The following SHISA5 variants were observed in gnomAD, a reference collection of about 807,000 sequenced individuals.
The protein encoded by SHISA5 is shisa family member 5, also known as protein shisa-5.
Under a neutral mutation model 27.5 loss-of-function variants are expected in SHISA5, and 21 were observed. The observed-to-expected ratio is 0.76, with a 90% CI of 0.54 to 1.10. The LOEUF (loss-of-function observed/expected upper bound fraction) is 1.10, where lower values mean the gene tolerates loss of function less well. Among genes scored for constraint, SHISA5 ranks in the 50% least tolerant of loss-of-function variants. The pLI is 0.00. For synonymous variants in SHISA5, 137 were observed against 142.2 expected (o/e 0.96, Z 0.26); for missense variants, 314 against 336.3 (o/e 0.93, Z 0.52).
chr3:48,491,997 A>G (rs2041442319), intron 2 of SHISA5, among the ~76,000 whole-genome samples: 1 of 151,742 alleles, frequency 6.6e-6, no homozygotes, highest in Non-Finnish European at 1.5e-5. Flanking sequence ...TCTCATTCAT[A>G]TCTGATTTTG....
rs1393904349 is a variant in SHISA5 at position 48,473,519 on chromosome 3, G to T, written c.315-3676C>A. ...CCCTGGGGCCCTGGCTGACACACAT[G>T]CAAGGAGCAAAGTCCAGCCTGTCCC... On this transcript the variant is annotated intron_variant, in intron 3 of 5. Coordinates refer to ENST00000296444, the MANE Select transcript of SHISA5 (RefSeq NM_016479.6). The surrounding 1 kb of genome is among the most constrained non-coding windows in gnomAD (Gnocchi z 4.3). 1.6e-6 allele frequency: 2 copies of T among 1,289,260 alleles called. No individual in the cohort carries two copies. The highest frequency in any genetic ancestry group is 2.0e-6 in the Non-Finnish European group (2 of 988,892). 79.9% of individuals were successfully genotyped at this position (1,289,260 alleles called of 1,614,324 possible).
At chr3:48,485,325 G>A (rs532963575) in intron 2 of SHISA5, among the ~76,000 whole-genome samples, 4 of 151,552 alleles carry the variant, frequency 2.6e-5, no homozygotes, top group African/African-American at 7.3e-5. Flanking sequence ...GAGAAACCCC[G>A]TCTCTACTAA....
chr3:48,470,392 C>T lies in SHISA5; in HGVS notation c.315-549G>A, dbSNP rs190966691. ...ATTGTTCCCCTGCACTCCACAACAG[C>T]CCCAGGGCAGGGAGGCTGGCCCCTG... On this transcript the variant is annotated intron_variant, in intron 3 of 5. Transcript: ENST00000296444. The surrounding 1 kb of genome is among the most constrained non-coding windows in gnomAD (Gnocchi z 4.3). 6.6e-6 allele frequency among the ~76,000 whole-genome samples: 1 copy of T among 152,364 alleles called. No individual in the cohort carries two copies. The highest frequency in any genetic ancestry group is 1.9e-4 in the East Asian group (1 of 5,190).
At chr3:48,472,934 A>C in intron 3 of SHISA5, 27 of 1,360,042 alleles carry the variant, frequency 2.0e-5, no homozygotes, top group South Asian at 2.5e-5. Flanking sequence ...TGCGACCGCA[A>C]GGCCGTTATC....
At chr3:48,488,421 G>T (rs2041317610) in intron 2 of SHISA5, among the ~76,000 whole-genome samples, 1 of 151,192 alleles carries the variant, frequency 6.6e-6, no homozygotes, top group Non-Finnish European at 1.5e-5. Flanking sequence ...TAGAGATGGG[G>T]TTTCACCATG....
chr3:48,483,977 A>G (rs1441715509), intron 2 of SHISA5, among the ~76,000 whole-genome samples: 1 of 152,214 alleles, frequency 6.6e-6, no homozygotes, highest in East Asian at 1.9e-4. Flanking sequence ...TCAGCCTCCC[A>G]AAGTGCTGGG....
intron 2 of SHISA5, among the ~76,000 whole-genome samples, chr3:48,485,570 AT>A (rs1485936250): frequency 1.4e-5 from 2 of 144,804 alleles, no homozygotes; most frequent in Non-Finnish European, 3.0e-5. Context: ...TATATAATAT[AT>A]ATTCTATATT....
At chr3:48,471,925 G>A (rs990701292) in intron 3 of SHISA5, among the ~76,000 whole-genome samples, 2 of 152,106 alleles carry the variant, frequency 1.3e-5, no homozygotes, top group African/African-American at 2.4e-5. Flanking sequence ...CTGGCCAGGC[G>A]CGGTGGCAAC....
At chr3:48,495,286 C>T (rs2041511484) in intron 2 of SHISA5, among the ~76,000 whole-genome samples, 1 of 142,464 alleles carries the variant, frequency 7.0e-6, no homozygotes, top group Admixed American at 6.9e-5. Flanking sequence ...AGTAATTCCA[C>T]TCCTAGATAC....
chr3:48,469,769 C>T lies in SHISA5; in HGVS notation c.389G>A (p.Cys130Tyr). ...CGTCTTGTAAAGGCAGCAGCAGGAG[C>T]AGGTGAAGCAGATGATGATAGTGAC... ...SVVTIIICFT[C>Y]SCCCLYKTCR... is the part of the protein sequence containing the mutation. Residue 130 changes from cysteine (C) to tyrosine (Y), a missense_variant, in exon 4 of 6, where the codon TGC becomes TAC. Physicochemically the swap from Cys to Tyr is radical, Grantham distance 194. Coordinates refer to ENST00000296444, the MANE Select transcript of SHISA5 (RefSeq NM_016479.6). The surrounding 1 kb of genome is among the most constrained non-coding windows in gnomAD (Gnocchi z 4.6). 1 of 1,614,082 alleles carries T rather than the reference C, an allele frequency of 6.2e-7. No homozygotes were observed. The highest frequency in any genetic ancestry group is 8.5e-7 in the Non-Finnish European group (1 of 1,179,966).
chr3:48,471,957 C>T (rs1285430162), intron 3 of SHISA5, among the ~76,000 whole-genome samples: 3 of 151,526 alleles, frequency 2.0e-5, no homozygotes, highest in South Asian at 4.2e-4. Flanking sequence ...CCGAAGTGGG[C>T]GGATCGCTTG....
At chr3:48,495,644 C>G (rs2041530343) in intron 2 of SHISA5, among the ~76,000 whole-genome samples, 2 of 146,820 alleles carry the variant, frequency 1.4e-5, no homozygotes, top group Non-Finnish European at 2.9e-5. Context: ...GCCTCACCCT[C>G]CCAAGTGGCT....
At chr3:48,502,568 C>T (rs1028902950) in intron 1 of SHISA5, 4 of 349,430 alleles carry the variant, frequency 1.1e-5, no homozygotes, top group African/African-American at 4.3e-5. Context: ...GGAAAATAAC[C>T]CAGGTTTTTG....
intron 2 of SHISA5, among the ~76,000 whole-genome samples, chr3:48,497,376 C>T (rs1232528754): frequency 1.3e-5 from 2 of 148,320 alleles, no homozygotes; most frequent in Non-Finnish European, 3.0e-5. Context: ...CAATTCTCTG[C>T]CTCAGGCTCC....
chr3:48,477,004 T>TGCCACAACCCCAGGAA, intron 3 of SHISA5: 1 of 431,666 alleles, frequency 2.3e-6, no homozygotes, highest in South Asian at 1.7e-5. Context: ...ACCTCCCTGC[T>TGCCACAACCCCAGGAA]GCCACAACCC....
chr3:48,482,308 G>A (rs1382240627), intron 2 of SHISA5, among the ~76,000 whole-genome samples: 1 of 151,844 alleles, frequency 6.6e-6, no homozygotes, highest in African/African-American at 2.4e-5. Context: ...AGGAGGCTTA[G>A]GTGGGAGGAT....
chr3:48,477,425 C>T (rs1370279144), intron 3 of SHISA5, among the ~76,000 whole-genome samples: 4 of 152,012 alleles, frequency 2.6e-5, no homozygotes, highest in Non-Finnish European at 4.4e-5. Context: ...ACAAAAAACA[C>T]GGGGTCGCCC....
At position 48,501,003 on chromosome 3, in the gene SHISA5, C is replaced by T. The variant is rs2041736495; in HGVS notation, c.233+134G>A. The T allele has an allele frequency of 5.8e-6, 6 of 1,035,616 alleles. No homozygotes were observed. The South Asian group carries it at 9.8e-5, about 17-fold the overall frequency. The allele number at this position is 1,035,616 out of a possible 1,614,324, so 64.2% of individuals were successfully genotyped here. ...AGCCCAGAACAGGGGATCCCTAAAC[C>T]CTCTGCTCCAATGCTCTGGCCACCA... is the stretch of plus-strand genomic sequence containing the variant. On this transcript the variant is annotated intron_variant, in intron 2 of 5. Coordinates refer to ENST00000296444, the MANE Select transcript of SHISA5 (RefSeq NM_016479.6).
Position 48,469,129 on chromosome 3 carries a change from T to C in SHISA5, c.701A>G (p.Asp234Gly). Residue 234 changes from aspartate (D) to glycine (G), a missense_variant, in exon 6 of 6, where the codon GAT becomes GGT. Transcript: ENST00000296444. The surrounding 1 kb of genome is among the most constrained non-coding windows in gnomAD (Gnocchi z 4.6). ...TGCTCAGAGGGCCGCCTTCGGGGCA[T>C]CCATGTAGGCCGGGTTGTAAGGAGG... is the stretch of plus-strand genomic sequence containing the variant. ...SQPPYNPAYM[D>G]APKAAL The C allele has an allele frequency of 1.2e-6, 2 of 1,613,094 alleles. No individual in the cohort carries two copies. The highest frequency in any genetic ancestry group is 1.7e-5 in the Admixed American group (1 of 60,022).
Sources: allele counts gnomAD v4.1 joint callset (sites outside exome capture counted in the v4.1 genomes callset), GRCh38; gene constraint gnomAD v4.1.1; non-coding constraint Gnocchi (gnomAD v3.1); transcripts MANE v1.5; gene names NCBI Gene and HGNC (gene_info 2026-07-23, HGNC 2026-07-21).